The following PKD2L1 variants were observed in gnomAD, a reference collection of about 807,000 sequenced individuals.
PKD2L1 encodes the protein polycystin 2 like 1, transient receptor potential cation channel.
In PKD2L1, 77 loss-of-function variants were observed where a neutral mutation model predicts 93.0. The ratio of observed to expected loss-of-function variants is 0.83; its 90% CI spans 0.69 to 1.00. The LOEUF is 1.00. Among genes scored for constraint, PKD2L1 ranks in the 50% least tolerant of loss-of-function variants. The pLI is 0.00. For synonymous variants in PKD2L1, 390 were observed against 388.0 expected (o/e 1.01, Z -0.06); for missense variants, 977 against 990.9 (o/e 0.99, Z 0.19).
chr10:100,308,641 T>C (rs1024578769), intron 2 of PKD2L1, among the ~76,000 whole-genome samples: 2 of 152,192 alleles, frequency 1.3e-5, no homozygotes, highest in African/African-American at 4.8e-5. Context: ...GGCCCCAGAA[T>C]GGTGTTAAAT....
At chr10:100,292,492 CA>C (rs113936745) in intron 11 of PKD2L1, among the ~76,000 whole-genome samples, 3,948 of 129,638 alleles carry the variant, frequency 0.03, 115 homozygotes, top group African/African-American at 0.081. Flanking sequence ...GACTTTGTCT[CA>C]AAAAAAAAAA....
intron 8 of PKD2L1, 81 bp from the exon 9 acceptor site, chr10:100,294,736 A>C (rs1848485419): frequency 6.3e-7 from 1 of 1,576,792 alleles, no homozygotes; most frequent in African/African-American, 1.3e-5. Flanking sequence ...GAGACCCCTC[A>C]CCACACGTTC....
In PKD2L1 at chr10:100,290,118, T is replaced by C. The variant is rs1247064481; in HGVS notation, c.2147A>G (p.Gln716Arg). The C allele has an allele frequency of 1.9e-6, 3 of 1,614,140 alleles. No homozygotes were observed. Among genetic ancestry groups the C allele is most frequent in the Non-Finnish European group, 2.5e-6 (3 of 1,180,000 alleles). The change falls in exon 14 of 16, where the codon CAG becomes CGG. Residue 716 changes from glutamine to arginine, a missense_variant. Gln to Arg is a conservative substitution (Grantham distance 43, BLOSUM62 1). Transcript: ENST00000318222. ...EFYMLTRRVL[Q>R]LETVLEGVVS... is the part of the protein sequence containing the mutation. Reference sequence around the variant, plus strand: ...TACTCCTTCCAGGACAGTCTCCAGCTGCAGAACTCTCCTTGTGAGCCTGTG... The same window carrying C: ...TACTCCTTCCAGGACAGTCTCCAGCCGCAGAACTCTCCTTGTGAGCCTGTG...
intron 2 of PKD2L1, among the ~76,000 whole-genome samples, chr10:100,301,431 C>A (rs1345122247): frequency 1.3e-5 from 2 of 150,630 alleles, no homozygotes; most frequent in Non-Finnish European, 2.9e-5. Context: ...AAGGCAGACA[C>A]CCCCAGAGCA....
intron 2 of PKD2L1, among the ~76,000 whole-genome samples, chr10:100,321,136 C>A (rs914438917): frequency 4.6e-5 from 7 of 152,176 alleles, no homozygotes; most frequent in South Asian, 2.1e-4. Flanking sequence ...ATGACTTGAG[C>A]TCAGGAGTTG....
intron 13 of PKD2L1, 88 bp from the exon 14 acceptor site, chr10:100,290,226 G>T: frequency 6.5e-7 from 1 of 1,542,220 alleles, no homozygotes; most frequent in Non-Finnish European, 8.9e-7. Context: ...AGAAGGGCAT[G>T]TGTCCTGAAT....
chr10:100,295,289 G>C (rs558843569), intron 7 of PKD2L1, among the ~76,000 whole-genome samples, 166 bp from the exon 8 acceptor site: 11 of 152,226 alleles, frequency 7.2e-5, no homozygotes, highest in African/African-American at 2.4e-4. Flanking sequence ...GGGCATGGTG[G>C]CACGCACCTG....
chr10:100,298,303 G>C (rs1848597331), intron 4 of PKD2L1, among the ~76,000 whole-genome samples: 3 of 152,208 alleles, frequency 2.0e-5, no homozygotes, highest in Admixed American at 1.3e-4. Flanking sequence ...TGCAAGGTAG[G>C]ACAAGTGTGA....
In PKD2L1 at chr10:100,309,092, C is replaced by CA. The variant is rs535152063; in HGVS notation, c.350-9375dup. On this transcript the variant is annotated intron_variant, in intron 2 of 15. Transcript: ENST00000318222. ...ATGATACCTGGGTTATTTATAACAT[C>CA]AAAAAAAAATGCAAACAACCTAAAA... Among the ~76,000 whole-genome samples, 1,451 of 148,890 alleles carry CA rather than the reference C, an allele frequency of 9.7e-3. 19 individuals carry two copies. Among genetic ancestry groups the CA allele is most frequent in the Middle Eastern group, 0.041 (12 of 292 alleles).
chr10:100,324,035 C>T (rs1020332543), intron 2 of PKD2L1, among the ~76,000 whole-genome samples: 7 of 152,148 alleles, frequency 4.6e-5, no homozygotes, highest in African/African-American at 1.7e-4. Flanking sequence ...ACCATGTTGG[C>T]CAGGCTGGTC....
chr10:100,325,660 A>T (rs188908065), intron 2 of PKD2L1, among the ~76,000 whole-genome samples: 3 of 152,180 alleles, frequency 2.0e-5, no homozygotes, highest in Admixed American at 6.5e-5. Flanking sequence ...GTGCAATTCC[A>T]CAGGACTTGG....
At chr10:100,315,222 T>C (rs918141009) in intron 2 of PKD2L1, among the ~76,000 whole-genome samples, 4 of 152,140 alleles carry the variant, frequency 2.6e-5, no homozygotes, top group Non-Finnish European at 5.9e-5. Flanking sequence ...CTGGGGTACA[T>C]GTGCAGAACG....
intron 3 of PKD2L1, among the ~76,000 whole-genome samples, chr10:100,299,316 C>T (rs1332251091): frequency 6.6e-6 from 1 of 152,140 alleles, no homozygotes. Flanking sequence ...CCTGAAGTGG[C>T]CCTACTCTTT....
intron 2 of PKD2L1, among the ~76,000 whole-genome samples, chr10:100,303,479 C>T (rs1261645977): frequency 1.3e-5 from 2 of 152,296 alleles, no homozygotes; most frequent in East Asian, 3.9e-4. Flanking sequence ...CCACCGCGCC[C>T]GGCCCACATC....
chr10:100,290,619 C>G (rs1848386730), intron 12 of PKD2L1, 100 bp from the exon 13 acceptor site: 3 of 741,094 alleles, frequency 4.0e-6, no homozygotes, highest in Admixed American at 4.4e-5. Flanking sequence ...GACCAAGGCT[C>G]AGGTCCTAGT....
At chr10:100,294,226 G>A (rs906322788) in intron 9 of PKD2L1, among the ~76,000 whole-genome samples, 8 of 152,090 alleles carry the variant, frequency 5.3e-5, no homozygotes, top group African/African-American at 1.4e-4. Flanking sequence ...CTTGGAGGAC[G>A]GTCGTAGACG....
In PKD2L1 at chr10:100,288,422, C is replaced by T; in HGVS notation, c.2392G>A (p.Glu798Lys). The T allele has an allele frequency of 6.2e-7, 1 of 1,612,798 alleles. No individual in the cohort carries two copies. Among genetic ancestry groups the T allele is most frequent in the Non-Finnish European group, 8.5e-7 (1 of 1,178,792 alleles). The change falls in exon 16 of 16, where the codon GAG becomes AAG. Residue 798 changes from glutamate to lysine, a missense_variant. Transcript: ENST00000318222. ...TAACTCCTCTGCAACGTTGGAATCT[C>T]ACCACGGGAGAGTCTCCTCTCCTCT... ...ALEERRLSRG[E>K]IPTLQRS
intron 2 of PKD2L1, among the ~76,000 whole-genome samples, chr10:100,305,235 C>A (rs1047444463): frequency 1.3e-5 from 2 of 151,762 alleles, no homozygotes; most frequent in Non-Finnish European, 2.9e-5. Flanking sequence ...CCTCAGGCTC[C>A]TGAGTAGCTG....
chr10:100,321,894 G>GCAAGCAAGGAAGGAAGGAAGGAAGGAA (rs1367238656), intron 2 of PKD2L1, among the ~76,000 whole-genome samples: 9 of 1,590 alleles, frequency 5.7e-3, no homozygotes, highest in African/African-American at 9.9e-3. Flanking sequence ...GAGGGAGGGA[G>GCAAGCAAGGAAGGAAGGAAGGAAGGAA]GGAAGGAAGC....
Sources: gnomAD v4.1 joint callset for allele counts (sites outside exome capture counted in the v4.1 genomes callset) on GRCh38, gnomAD v4.1.1 for gene constraint, MANE v1.5 for transcripts, NCBI Gene and HGNC (gene_info 2026-07-23, HGNC 2026-07-21) for gene names.